SAMMSON: variants seen among roughly 807,000 people sequenced by gnomAD.
The protein encoded by SAMMSON is survival associated mitochondrial melanoma specific oncogenic non-coding RNA.
At chr3:70,125,847 C>T in intron 4 of SAMMSON, 1 of 671,214 alleles carries the variant, frequency 1.5e-6, no homozygotes. Context: ...TTAGTTTGTT[C>T]ATTTTCTGTT....
intron 4 of SAMMSON, among the ~76,000 whole-genome samples, chr3:70,177,541 T>C (rs1233883350): frequency 6.6e-6 from 1 of 152,234 alleles, no homozygotes; most frequent in African/African-American, 2.4e-5. Flanking sequence ...CAATGTATAA[T>C]ATGCTGCCAT....
intron 4 of SAMMSON, among the ~76,000 whole-genome samples, chr3:70,190,484 G>A (rs1162112345): frequency 2.0e-5 from 3 of 152,138 alleles, no homozygotes; most frequent in Admixed American, 1.3e-4. Flanking sequence ...GTCACTACTA[G>A]GTCTTACCTG....
At chr3:70,117,436 T>C (rs2067416155) in intron 4 of SAMMSON, among the ~76,000 whole-genome samples, 1 of 152,234 alleles carries the variant, frequency 6.6e-6, no homozygotes, top group South Asian at 2.1e-4. Context: ...ATGAACTTGA[T>C]ATTATTTATC....
intron 6 of SAMMSON, among the ~76,000 whole-genome samples, chr3:70,266,820 A>G (rs1447903965): frequency 6.6e-6 from 1 of 152,234 alleles, no homozygotes; most frequent in East Asian, 1.9e-4. Context: ...AGTAGATATC[A>G]GTCCAGAAGG....
At chr3:70,055,533 C>T (rs994246252) in intron 3 of SAMMSON, among the ~76,000 whole-genome samples, 3 of 152,056 alleles carry the variant, frequency 2.0e-5, no homozygotes, top group African/African-American at 7.2e-5. Context: ...CATTTTTAAA[C>T]CTCCAATGAT....
chr3:70,151,171 CTAA>C (rs2067570678), intron 4 of SAMMSON, among the ~76,000 whole-genome samples: 1 of 151,960 alleles, frequency 6.6e-6, no homozygotes, highest in African/African-American at 2.4e-5. Context: ...TAATGAAAAA[CTAA>C]TGACTACAGG....
chr3:70,032,646 T>C (rs1400284400), intron 3 of SAMMSON, among the ~76,000 whole-genome samples: 1 of 152,198 alleles, frequency 6.6e-6, no homozygotes, highest in African/African-American at 2.4e-5. Context: ...AGTTTGATGG[T>C]TAGTACCATG....
chr3:70,345,986 G>A (rs912585719), intron 7 of SAMMSON, among the ~76,000 whole-genome samples: 2 of 152,156 alleles, frequency 1.3e-5, no homozygotes, highest in Non-Finnish European at 2.9e-5. Context: ...AAATCAGTTT[G>A]ATAAATACCA....
intron 4 of SAMMSON, among the ~76,000 whole-genome samples, chr3:70,214,737 G>C (rs1182645170): frequency 6.6e-6 from 1 of 151,852 alleles, no homozygotes; most frequent in Non-Finnish European, 1.5e-5. Flanking sequence ...CTGGTAACGA[G>C]GAACAATTGA....
At chr3:70,092,317 A>C (rs1218097476) in intron 4 of SAMMSON, among the ~76,000 whole-genome samples, 1 of 152,094 alleles carries the variant, frequency 6.6e-6, no homozygotes, top group African/African-American at 2.4e-5. Flanking sequence ...GAGAATATAC[A>C]TGATGGACAC....
intron 7 of SAMMSON, among the ~76,000 whole-genome samples, chr3:70,297,969 TTAAA>T (rs2106699100): frequency 6.6e-6 from 1 of 152,072 alleles, no homozygotes; most frequent in East Asian, 1.9e-4. Context: ...TTCCTGCTAC[TTAAA>T]TAATCAGGGG....
intron 7 of SAMMSON, among the ~76,000 whole-genome samples, chr3:70,324,045 G>A (rs68068834): frequency 0.095 from 14,445 of 152,030 alleles, 937 homozygotes; most frequent in East Asian, 0.37. Context: ...TTCTTTGGCA[G>A]CTTGAAGCCC....
At chr3:70,099,658 T>A (rs2067335245) in intron 4 of SAMMSON, among the ~76,000 whole-genome samples, 1 of 152,234 alleles carries the variant, frequency 6.6e-6, no homozygotes, top group Non-Finnish European at 1.5e-5. Context: ...TGTTCTTTGT[T>A]GCCTTCAGTT....
intron 4 of SAMMSON, among the ~76,000 whole-genome samples, chr3:70,097,108 C>T (rs1487008969): frequency 6.6e-6 from 1 of 152,174 alleles, no homozygotes; most frequent in East Asian, 1.9e-4. Flanking sequence ...TTGGGTGCCA[C>T]CCCAAACACT....
At chr3:70,108,753 A>G (rs73105955) in intron 4 of SAMMSON, among the ~76,000 whole-genome samples, 14,850 of 151,966 alleles carry the variant, frequency 0.098, 814 homozygotes, top group Non-Finnish European at 0.11. Flanking sequence ...ACAGTGAGAC[A>G]ATGGCTGCCT....
intron 7 of SAMMSON, among the ~76,000 whole-genome samples, chr3:70,343,729 A>G (rs1702729396): frequency 6.6e-6 from 1 of 151,600 alleles, no homozygotes; most frequent in Admixed American, 6.6e-5. Context: ...TGCCCAGCCT[A>G]CTCTTGAGGA....
intron 3 of SAMMSON, among the ~76,000 whole-genome samples, chr3:70,041,405 A>G (rs1013186853): frequency 1.3e-5 from 2 of 152,208 alleles, no homozygotes; most frequent in East Asian, 1.9e-4. Context: ...TAGTTTCACA[A>G]TTTGCCTTTC....
chr3:70,344,166 G>A (rs967842898), intron 7 of SAMMSON, among the ~76,000 whole-genome samples: 2 of 152,058 alleles, frequency 1.3e-5, no homozygotes, highest in African/African-American at 4.8e-5. Flanking sequence ...AATAAGAACA[G>A]GCATTCCTGT....
intron 7 of SAMMSON, among the ~76,000 whole-genome samples, chr3:70,333,406 A>T (rs2106723773): frequency 6.6e-6 from 1 of 152,232 alleles, no homozygotes; most frequent in South Asian, 2.1e-4. Flanking sequence ...AAATGGTTAT[A>T]TACACACACA....
Sources: gnomAD v4.1 joint callset for allele counts (sites outside exome capture counted in the v4.1 genomes callset) on GRCh38, gnomAD v4.1.1 for gene constraint, MANE v1.5 for transcripts, NCBI Gene and HGNC (gene_info 2026-07-23, HGNC 2026-07-21) for gene names.